The following SERPINC1 variants were observed in gnomAD, a reference collection of about 807,000 sequenced individuals.
The protein encoded by SERPINC1 is serpin family C member 1, also known as antithrombin-III.
A neutral mutation model predicts 43.4 loss-of-function variants in SERPINC1; 12 were observed. That is an observed-to-expected ratio of 0.28 (90% CI 0.18 to 0.45). The LOEUF (loss-of-function observed/expected upper bound fraction) is 0.45, where lower values mean the gene tolerates loss of function less well. Ranked by LOEUF, SERPINC1 falls within the 20% of genes least tolerant of loss-of-function variation. SERPINC1 has a pLI of 1.00. For synonymous variants in SERPINC1, 210 were observed against 218.9 expected (o/e 0.96, Z 0.36); for missense variants, 423 against 578.8 (o/e 0.73, Z 2.76).
At chr1:173,906,481 G>A (rs1212152551) in intron 6 of SERPINC1, among the ~76,000 whole-genome samples, 2 of 152,148 alleles carry the variant, frequency 1.3e-5, no homozygotes, top group Non-Finnish European at 1.5e-5. Context: ...CTCCAGTGTA[G>A]TCTAGTGCTC....
At chr1:173,906,671 CAG>C (rs1306211347) in intron 6 of SERPINC1, among the ~76,000 whole-genome samples, 1 of 150,238 alleles carries the variant, frequency 6.7e-6, no homozygotes, top group African/African-American at 2.5e-5. Context: ...TTGGTAGAGA[CAG>C]GGTCTCACTA....
intron 5 of SERPINC1, among the ~76,000 whole-genome samples, chr1:173,908,026 T>TAATAATAATAATAAA (rs1355692001): frequency 3.5e-5 from 5 of 142,892 alleles, no homozygotes; most frequent in African/African-American, 1.0e-4. Context: ...ATAATAATAA[T>TAATAATAATAATAAA]AAAAGTACTT....
intron 5 of SERPINC1, 109 bp downstream of exon 5, chr1:173,909,443 A>G (rs1657667013): frequency 1.8e-6 from 2 of 1,115,410 alleles, no homozygotes; most frequent in Admixed American, 3.6e-5. Flanking sequence ...TAGGATCAGT[A>G]TCCAGGAGTC....
At position 173,903,839 on chromosome 1, in the gene SERPINC1, C is replaced by T. The variant is rs767187085; in HGVS notation, c.*50G>A. 1 of 1,502,082 alleles carries T rather than the reference C, an allele frequency of 6.7e-7. No individual in the cohort carries two copies. The highest frequency in any genetic ancestry group is 1.1e-5 in the South Asian group (1 of 88,410). 93.0% of individuals were successfully genotyped at this position (1,502,082 alleles called of 1,614,324 possible). A position where few individuals can be genotyped will look rare whatever the true frequency, so the allele number is the denominator to read the frequency against. On this transcript the variant is annotated 3_prime_UTR_variant, in exon 7 of 7. Coordinates refer to ENST00000367698, the MANE Select transcript of SERPINC1 (RefSeq NM_000488.4). Reference sequence around the variant, plus strand: ...TGGAAGTAGTTTGTATTTATTTTTACTTCTGTTCACAAACCAAAAATAGGA... The same window carrying T: ...TGGAAGTAGTTTGTATTTATTTTTATTTCTGTTCACAAACCAAAAATAGGA...
At chr1:173,915,065 G>A in intron 1 of SERPINC1, 146 bp from the exon 2 acceptor site, 16 of 1,517,174 alleles carry the variant, frequency 1.1e-5, no homozygotes, top group Non-Finnish European at 1.3e-5. Flanking sequence ...AAGTACAGGG[G>A]CCCGGGACAG....
intron 5 of SERPINC1, 74 bp downstream of exon 5, chr1:173,909,478 T>C: frequency 1.3e-6 from 2 of 1,508,878 alleles, no homozygotes; most frequent in Non-Finnish European, 1.8e-6. Context: ...CTTTCTATTC[T>C]TTCTCCAACT....
chr1:173,910,051 A>G, intron 4 of SERPINC1, 109 bp from the exon 5 acceptor site: 1 of 1,124,994 alleles, frequency 8.9e-7, no homozygotes, highest in Non-Finnish European at 1.3e-6. Context: ...ATTCGGAAAA[A>G]AGACTGGCGG....
chr1:173,908,238 C>A (rs934074140), intron 5 of SERPINC1, among the ~76,000 whole-genome samples: 2 of 151,652 alleles, frequency 1.3e-5, no homozygotes, highest in Non-Finnish European at 1.5e-5. Context: ...GCCTGTAATC[C>A]CAGCACTTTG....
At chr1:173,904,671 C>G (rs1422164932) in intron 6 of SERPINC1, among the ~76,000 whole-genome samples, 1 of 152,188 alleles carries the variant, frequency 6.6e-6, no homozygotes, top group Non-Finnish European at 1.5e-5. Context: ...AACTCTGTTT[C>G]TGCTCTTAAT....
intron 5 of SERPINC1, among the ~76,000 whole-genome samples, chr1:173,908,365 C>T (rs1031383293): frequency 1.1e-3 from 165 of 151,680 alleles, no homozygotes; most frequent in African/African-American, 3.9e-3. Context: ...TGGCAGGCGC[C>T]TGTAATCCTA....
chr1:173,905,493 G>A (rs1369406119), intron 6 of SERPINC1, among the ~76,000 whole-genome samples: 3 of 150,816 alleles, frequency 2.0e-5, no homozygotes, highest in Non-Finnish European at 4.4e-5. Context: ...GCCGAGTCAG[G>A]TGGATCACTT....
intron 6 of SERPINC1, among the ~76,000 whole-genome samples, chr1:173,905,283 T>A (rs1209198744): frequency 6.6e-6 from 1 of 152,250 alleles, no homozygotes; most frequent in Admixed American, 6.5e-5. Flanking sequence ...AAATCCCTTG[T>A]TCTGACCTCA....
In SERPINC1 at chr1:173,905,752, G is replaced by A. The variant is rs549161693; in HGVS notation, c.1219-1687C>T. Among the ~76,000 whole-genome samples the A allele has an allele frequency of 3.6e-4, 54 of 151,770 alleles. 1 individual carries two copies. Among genetic ancestry groups the A allele is most frequent in the South Asian group, 1.0e-3 (5 of 4,802 alleles). On this transcript the variant is annotated intron_variant, in intron 6 of 6. Transcript: ENST00000367698. ...AAAAAAAAATCTCATTAGGAGACCC[G>A]TTCAACACCCTAGTCTCCCATTTCT...
At chr1:173,904,514 A>G (rs1657405012) in intron 6 of SERPINC1, among the ~76,000 whole-genome samples, 1 of 152,216 alleles carries the variant, frequency 6.6e-6, no homozygotes, top group Admixed American at 6.5e-5. Flanking sequence ...CCTAGGGCCT[A>G]TGAAAAGAGG....
chr1:173,916,637 A>G (rs1165598083), intron 1 of SERPINC1, among the ~76,000 whole-genome samples: 1 of 152,256 alleles, frequency 6.6e-6, no homozygotes, highest in Non-Finnish European at 1.5e-5. Context: ...TGGGAGGGCT[A>G]TGAAGCACAA....
At chr1:173,915,660 A>T (rs1349578911) in intron 1 of SERPINC1, among the ~76,000 whole-genome samples, 1 of 152,164 alleles carries the variant, frequency 6.6e-6, no homozygotes, top group Non-Finnish European at 1.5e-5. Context: ...CTGGGTGACA[A>T]AGTGAGACTG....
At chr1:173,906,867 C>T (rs1391034160) in intron 6 of SERPINC1, among the ~76,000 whole-genome samples, 6 of 152,130 alleles carry the variant, frequency 3.9e-5, no homozygotes, top group African/African-American at 7.2e-5. Context: ...CCTGTAATCC[C>T]AGCACTTTGG....
intron 2 of SERPINC1, 70 bp downstream of exon 2, chr1:173,914,483 G>A: frequency 1.3e-6 from 2 of 1,587,570 alleles, no homozygotes; most frequent in Non-Finnish European, 1.7e-6. Flanking sequence ...AGGAATCATT[G>A]GACTTGGGCC....
In SERPINC1 at chr1:173,916,348, G is replaced by A. The variant is rs143447937; in HGVS notation, c.41+871C>T. Among the ~76,000 whole-genome samples, 65 of 152,310 alleles carry A rather than the reference G, an allele frequency of 4.3e-4. 1 individual carries two copies. In the East Asian group the frequency reaches 0.011, roughly 26 times the overall value. ...AGGCACCCAGTGCAGATTCACGGACGTGGTCCGTTGGGCAAGCCTGGGGCT... is the reference window on the plus strand; with the variant it reads ...AGGCACCCAGTGCAGATTCACGGACATGGTCCGTTGGGCAAGCCTGGGGCT... On this transcript the variant is annotated intron_variant, in intron 1 of 6. Coordinates refer to ENST00000367698, the MANE Select transcript of SERPINC1 (RefSeq NM_000488.4).
Sources: gnomAD v4.1 joint callset for allele counts (sites outside exome capture counted in the v4.1 genomes callset) on GRCh38, gnomAD v4.1.1 for gene constraint, MANE v1.5 for transcripts, NCBI Gene and HGNC (gene_info 2026-07-23, HGNC 2026-07-21) for gene names.